Variants in PBRM1 observed in about 807,000 individuals in gnomAD.
PBRM1 encodes polybromo 1, also known as protein polybromo-1.
Under a neutral mutation model 194.5 loss-of-function variants are expected in PBRM1, and 27 were observed. That is an observed-to-expected ratio of 0.14 (90% confidence interval 0.10 to 0.19). The LOEUF is 0.19. PBRM1 is among the 10% of genes least tolerant of loss of function. PBRM1 has a pLI of 1.00. For synonymous variants in PBRM1, 655 were observed against 693.2 expected (o/e 0.94, Z 0.87); for missense variants, 1,466 against 2,077.2 (o/e 0.71, Z 5.72).
intron 22 of PBRM1, among the ~76,000 whole-genome samples, chr3:52,568,731 T>C (rs1012430589): frequency 7.2e-5 from 11 of 152,246 alleles, no homozygotes; most frequent in Admixed American, 5.9e-4. Context: ...TTACCTGATA[T>C]GCCACTTTTA....
intron 10 of PBRM1, among the ~76,000 whole-genome samples, chr3:52,640,034 A>G (rs1441247577): frequency 6.6e-6 from 1 of 152,168 alleles, no homozygotes; most frequent in Non-Finnish European, 1.5e-5. Flanking sequence ...ATTTCTCTGT[A>G]AAGTTTCATC....
chr3:52,608,662 T>C (rs980212841), intron 16 of PBRM1, among the ~76,000 whole-genome samples: 1 of 151,826 alleles, frequency 6.6e-6, no homozygotes, highest in Non-Finnish European at 1.5e-5. Flanking sequence ...TCCAACTGTC[T>C]CTAAGTGCAC....
upstream of PBRM1, chr3:52,685,860 T>G: frequency 5.9e-6 from 3 of 511,426 alleles, no homozygotes; most frequent in East Asian, 3.7e-5. Flanking sequence ...CTGCCGTCGC[T>G]TCGGCACCCG....
At chr3:52,602,540 C>T (rs1044891256) in intron 17 of PBRM1, among the ~76,000 whole-genome samples, 1 of 152,180 alleles carries the variant, frequency 6.6e-6, no homozygotes, top group Admixed American at 6.5e-5. Context: ...TATCTCAGTC[C>T]TTTTATAGAT....
At position 52,609,356 on chromosome 3, in the gene PBRM1, C is replaced by T; in HGVS notation, c.2524G>A (p.Glu842Lys). The change falls in exon 16 of 30, where the codon GAG becomes AAG. Residue 842 changes from glutamate (E) to lysine (K), a missense_variant. Physicochemically the swap from Glu to Lys is moderately conservative, Grantham distance 56. Transcript: ENST00000296302. This position sits in a 1 kb window ranked among gnomAD's most constrained non-coding sequence, Gnocchi z 4.1. ...CGTTCCAATACTTCAAACATATGCT[C>T]TTGAAATAAATCAAGCCGACGGTAG... 6.2e-7 allele frequency: 1 copy of T among 1,613,868 alleles called. No individual in the cohort carries two copies.
intron 6 of PBRM1, among the ~76,000 whole-genome samples, chr3:52,651,164 A>G (rs1452723577): frequency 6.6e-6 from 1 of 152,366 alleles, no homozygotes; most frequent in Non-Finnish European, 1.5e-5. Context: ...AAAGCACTTA[A>G]AACAGTGCTA....
chr3:52,658,798 T>C (rs879357679), intron 4 of PBRM1, among the ~76,000 whole-genome samples: 1 of 152,240 alleles, frequency 6.6e-6, no homozygotes, highest in Non-Finnish European at 1.5e-5. Flanking sequence ...ACAACCTATA[T>C]GAACCTAATG....
intron 17 of PBRM1, among the ~76,000 whole-genome samples, chr3:52,591,511 GTT>G (rs57736913): frequency 0.03 from 2,120 of 71,572 alleles, 5 homozygotes; most frequent in African/African-American, 0.098. Context: ...TTTTGTCTTT[GTT>G]TTTTTTTTTT....
intron 5 of PBRM1, among the ~76,000 whole-genome samples, chr3:52,652,173 C>T (rs1438373348): frequency 5.3e-5 from 8 of 151,700 alleles, no homozygotes; most frequent in Non-Finnish European, 5.9e-5. Flanking sequence ...CACCTGAGGT[C>T]AGGAGTTCAA....
chr3:52,597,357 C>T (rs527512025), intron 17 of PBRM1, among the ~76,000 whole-genome samples: 9 of 152,240 alleles, frequency 5.9e-5, no homozygotes, highest in African/African-American at 2.2e-4. Context: ...GGCTTCTATT[C>T]GGCCATCTTG....
At chr3:52,560,958 G>T (rs2083385294) in intron 25 of PBRM1, among the ~76,000 whole-genome samples, 3 of 152,014 alleles carry the variant, frequency 2.0e-5, no homozygotes, top group South Asian at 4.2e-4. Flanking sequence ...TTGTAGAGAG[G>T]AGCTCTAAAC....
intron 20 of PBRM1, among the ~76,000 whole-genome samples, chr3:52,584,319 C>G (rs2091971761): frequency 6.6e-6 from 1 of 151,956 alleles, no homozygotes; most frequent in Non-Finnish European, 1.5e-5. Flanking sequence ...ACTTTACTTT[C>G]AAAAGTCTTA....
chr3:52,579,678 AT>A (rs138605352), intron 20 of PBRM1, among the ~76,000 whole-genome samples: 4,284 of 152,294 alleles, frequency 0.028, 209 homozygotes, highest in African/African-American at 0.099. Context: ...AAACAATTAG[AT>A]TATTGAAATA....
intron 13 of PBRM1, among the ~76,000 whole-genome samples, chr3:52,619,045 G>A (rs1055897472): frequency 9.9e-5 from 15 of 152,028 alleles, no homozygotes; most frequent in East Asian, 3.9e-4. Flanking sequence ...CATCGGGCTC[G>A]GCTGTGCCCG....
intron 12 of PBRM1, among the ~76,000 whole-genome samples, chr3:52,627,886 C>G (rs2095494514): frequency 6.6e-6 from 1 of 152,142 alleles, no homozygotes; most frequent in Non-Finnish European, 1.5e-5. Flanking sequence ...GTAATAATAC[C>G]TGAAAGTCTC....
At chr3:52,587,544 A>C (rs2153790487) in intron 18 of PBRM1, 34 bp from the exon 21 acceptor site, 3 of 1,492,782 alleles carry the variant, frequency 2.0e-6, no homozygotes, top group African/African-American at 1.4e-5. Context: ...GGGGAAGAGA[A>C]AGAGAATCAT....
intron 29 of PBRM1, among the ~76,000 whole-genome samples, chr3:52,549,777 C>A (rs1013491949): frequency 6.6e-6 from 1 of 151,672 alleles, no homozygotes; most frequent in African/African-American, 2.4e-5. Context: ...TGGTGCTGAG[C>A]ACCTGTAATT....
chr3:52,565,379 G>A (rs138918160), intron 22 of PBRM1, among the ~76,000 whole-genome samples: 5,990 of 151,660 alleles, frequency 0.039, 399 homozygotes, highest in African/African-American at 0.14. Flanking sequence ...TTGGTGGTGC[G>A]CTCCTGTAAG....
At position 52,642,321 on chromosome 3, in the gene PBRM1, A is replaced by T. The variant is rs551263904; in HGVS notation, c.996-276T>A. ...AAGATGTTCATATTTTACAATACAA[A>T]TTCTATTATGAGGCTGGGCGTGGTG... is the stretch of plus-strand genomic sequence containing the variant. On this transcript the variant is annotated intron_variant, in intron 9 of 29. Coordinates refer to ENST00000296302, the Ensembl canonical transcript of PBRM1. Among the ~76,000 whole-genome samples, 42 of 152,248 alleles carry T rather than the reference A, an allele frequency of 2.8e-4. No individual in the cohort carries two copies. The South Asian group carries it at 6.6e-3, about 24-fold the overall frequency.
Sources: allele counts gnomAD v4.1 joint callset (sites outside exome capture counted in the v4.1 genomes callset), GRCh38; gene constraint gnomAD v4.1.1; non-coding constraint Gnocchi (gnomAD v3.1); transcripts MANE v1.5; gene names NCBI Gene and HGNC (gene_info 2026-07-23, HGNC 2026-07-21).